PPP3R1: variants seen among roughly 807,000 people sequenced by gnomAD.
PPP3R1 encodes the protein calcineurin subunit B type 1.
Under a neutral mutation model 22.6 loss-of-function variants are expected in PPP3R1, and 5 were observed. That is an observed-to-expected ratio of 0.22 (90% CI 0.12 to 0.46). The LOEUF (loss-of-function observed/expected upper bound fraction) is 0.46. Ranked by LOEUF, PPP3R1 falls within the 20% of genes least tolerant of loss-of-function variation. The pLI, the probability that PPP3R1 is intolerant of heterozygous loss-of-function variation, is 0.99. For missense variants in PPP3R1, 61 were observed against 203.2 expected (o/e 0.30, Z 4.25); for synonymous variants, 56 against 65.2 (o/e 0.86, Z 0.68).
At chr2:68,181,174 G>A (rs560108909) in intron 5 of PPP3R1, among the ~76,000 whole-genome samples, 164 bp from the exon 6 acceptor site, 2 of 152,296 alleles carry the variant, frequency 1.3e-5, no homozygotes, top group African/African-American at 4.8e-5. Flanking sequence ...TGGATCACAA[G>A]GTCAGGAGAT....
At chr2:68,250,727 G>A (rs1670331244) in intron 1 of PPP3R1, among the ~76,000 whole-genome samples, 1 of 152,170 alleles carries the variant, frequency 6.6e-6, no homozygotes, top group African/African-American at 2.4e-5. Flanking sequence ...ATCAAAATCG[G>A]CAATCATTTA....
chr2:68,182,037 G>A (rs1017279293), intron 5 of PPP3R1, among the ~76,000 whole-genome samples: 1 of 145,058 alleles, frequency 6.9e-6, no homozygotes, highest in African/African-American at 2.6e-5. Context: ...CCAGCACCCA[G>A]ATCTTCCAGT....
At chr2:68,182,964 C>A (rs1038916770) in intron 5 of PPP3R1, among the ~76,000 whole-genome samples, 1 of 152,146 alleles carries the variant, frequency 6.6e-6, no homozygotes, top group Non-Finnish European at 1.5e-5. Flanking sequence ...ACTCTTTGAG[C>A]CTTCCAACCT....
In PPP3R1 at chr2:68,193,266, C is replaced by A. The variant is rs192456934; in HGVS notation, c.44-4576G>T. 7.9e-5 allele frequency among the ~76,000 whole-genome samples: 12 copies of A among 152,216 alleles called. No individual in the cohort carries two copies. The East Asian group carries it at 2.3e-3, about 29-fold the overall frequency. On this transcript the variant is annotated intron_variant, in intron 2 of 5. Transcript: ENST00000234310. ...ACAAGCTCTATCTAATCTTTCCATT[C>A]ATCATCATTCCCACATACCCCATGT...
chr2:68,238,837 T>C lies in PPP3R1; in HGVS notation c.3+13288A>G, dbSNP rs975673193. 2.0e-5 allele frequency among the ~76,000 whole-genome samples: 3 copies of C among 152,152 alleles called. No individual in the cohort carries two copies. The South Asian group carries it at 6.2e-4, about 31-fold the overall frequency. ...CGTTTGCTATATAACATGATATTTA[T>C]GTCCCTGAAAAAAACCTCGTGTTCT... is the stretch of plus-strand genomic sequence containing the variant. On this transcript the variant is annotated intron_variant, in intron 1 of 5. Transcript: ENST00000234310.
chr2:68,217,038 AC>A, intron 2 of PPP3R1, 53 bp downstream of exon 2: 1 of 1,267,796 alleles, frequency 7.9e-7, no homozygotes, highest in Non-Finnish European at 1.1e-6. Flanking sequence ...ACACACACAC[AC>A]AGAGAGAGAT....
At chr2:68,229,855 T>C (rs1003099380) in intron 1 of PPP3R1, among the ~76,000 whole-genome samples, 110 of 151,982 alleles carry the variant, frequency 7.2e-4, no homozygotes, top group African/African-American at 2.6e-3. Flanking sequence ...GTATGTTTAA[T>C]TGGTGTGTGT....
At chr2:68,215,450 A>G (rs1410836180) in intron 2 of PPP3R1, among the ~76,000 whole-genome samples, 2 of 152,164 alleles carry the variant, frequency 1.3e-5, no homozygotes, top group Non-Finnish European at 2.9e-5. Flanking sequence ...GCTCCAGAGC[A>G]TTGCACACAC....
chr2:68,239,678 G>T (rs1354923649), intron 1 of PPP3R1, among the ~76,000 whole-genome samples: 1 of 152,036 alleles, frequency 6.6e-6, no homozygotes, highest in Non-Finnish European at 1.5e-5. Flanking sequence ...GGGGTGGGGG[G>T]AAAAAACAAG....
chr2:68,206,117 G>A (rs968072041), intron 2 of PPP3R1, among the ~76,000 whole-genome samples: 1 of 151,894 alleles, frequency 6.6e-6, no homozygotes, highest in Non-Finnish European at 1.5e-5. Context: ...CGCGCCCGGC[G>A]GCTCTTAAAA....
chr2:68,230,777 A>C (rs928908430), intron 1 of PPP3R1, among the ~76,000 whole-genome samples: 3 of 152,114 alleles, frequency 2.0e-5, no homozygotes, highest in African/African-American at 7.2e-5. Flanking sequence ...TTTTCTCTAG[A>C]TACAGGTTTC....
chr2:68,235,801 A>T (rs1670008951), intron 1 of PPP3R1, among the ~76,000 whole-genome samples: 1 of 152,216 alleles, frequency 6.6e-6, no homozygotes, highest in Non-Finnish European at 1.5e-5. Context: ...ATAAACATTT[A>T]CATTCCCACC....
chr2:68,191,938 T>C (rs981347374), intron 2 of PPP3R1, among the ~76,000 whole-genome samples: 18 of 152,222 alleles, frequency 1.2e-4, no homozygotes, highest in African/African-American at 4.3e-4. Flanking sequence ...TGCTTTTCGC[T>C]TATTTATTTA....
At chr2:68,246,360 ACCGTGC>A (rs1426226563) in intron 1 of PPP3R1, among the ~76,000 whole-genome samples, 1 of 151,970 alleles carries the variant, frequency 6.6e-6, no homozygotes, top group Non-Finnish European at 1.5e-5. Context: ...GGAGTGAGCC[ACCGTGC>A]CCGGCTCTGA....
At chr2:68,213,735 GA>G (rs1669525930) in intron 2 of PPP3R1, among the ~76,000 whole-genome samples, 1 of 152,114 alleles carries the variant, frequency 6.6e-6, no homozygotes, top group Admixed American at 6.6e-5. Context: ...ATAATAAAAT[GA>G]GATACACCTG....
chr2:68,229,359 T>C (rs1669844351), intron 1 of PPP3R1, among the ~76,000 whole-genome samples: 1 of 152,158 alleles, frequency 6.6e-6, no homozygotes, highest in Admixed American at 6.5e-5. Flanking sequence ...TGGTATATGT[T>C]CTCTGGTCAC....
rs115595025 is a variant in PPP3R1 at position 68,205,575 on chromosome 2, C to T, written c.43+11517G>A. Among the ~76,000 whole-genome samples, 1,311 of 152,202 alleles carry T rather than the reference C, an allele frequency of 8.6e-3. 21 individuals are homozygous for T. Among genetic ancestry groups the T allele is most frequent in the African/African-American group, 0.03 (1,241 of 41,526 alleles). On this transcript the variant is annotated intron_variant, in intron 2 of 5. Transcript: ENST00000234310. ...TCTAAAAGATAAAAACTCTTTAACA[C>T]ATCATAACATTATCACACCTAAAAA...
chr2:68,229,770 C>G (rs1191895860), intron 1 of PPP3R1, among the ~76,000 whole-genome samples: 5 of 151,826 alleles, frequency 3.3e-5, no homozygotes, highest in Non-Finnish European at 5.9e-5. Flanking sequence ...TTTCAACATG[C>G]CTATATTGTT....
intron 2 of PPP3R1, among the ~76,000 whole-genome samples, chr2:68,193,792 T>C (rs1674714815): frequency 6.6e-6 from 1 of 152,124 alleles, no homozygotes; most frequent in Non-Finnish European, 1.5e-5. Context: ...ATCAAACCCA[T>C]CTTGTTAGCA....
Sources: gnomAD v4.1 joint callset for allele counts (sites outside exome capture counted in the v4.1 genomes callset) on GRCh38, gnomAD v4.1.1 for gene constraint, MANE v1.5 for transcripts, NCBI Gene and HGNC (gene_info 2026-07-23, HGNC 2026-07-21) for gene names.